Variants in SYBU observed in about 807,000 individuals in gnomAD.
The protein encoded by SYBU is syntabulin.
A neutral mutation model predicts 35.9 loss-of-function variants in SYBU; 21 were observed. The ratio of observed to expected loss-of-function variants is 0.58; its 90% CI spans 0.41 to 0.84. SYBU has a LOEUF of 0.84. Among genes scored for constraint, SYBU ranks in the 40% least tolerant of loss-of-function variants. The pLI is 0.00. For synonymous variants in SYBU, 319 were observed against 324.3 expected (o/e 0.98, Z 0.18); for missense variants, 768 against 848.2 (o/e 0.91, Z 1.17).
intron 1 of SYBU, among the ~76,000 whole-genome samples, chr8:109,671,695 A>G (rs1305581183): frequency 6.6e-6 from 1 of 152,200 alleles, no homozygotes; most frequent in African/African-American, 2.4e-5. Flanking sequence ...TAGGGTTCAT[A>G]TCATTTATTT....
At chr8:109,576,463 C>G (rs1204820279) in intron 6 of SYBU, among the ~76,000 whole-genome samples, 2 of 152,316 alleles carry the variant, frequency 1.3e-5, no homozygotes, top group South Asian at 2.1e-4. Context: ...GTTTTTATCT[C>G]CATATCCTAC....
chr8:109,679,387 C>T (rs1817320110), intron 1 of SYBU, among the ~76,000 whole-genome samples: 1 of 152,150 alleles, frequency 6.6e-6, no homozygotes, highest in Non-Finnish European at 1.5e-5. Context: ...CTTTACTTGT[C>T]TAATAAACTT....
intron 1 of SYBU, among the ~76,000 whole-genome samples, chr8:109,674,295 G>T (rs1218395072): frequency 6.6e-6 from 1 of 151,818 alleles, no homozygotes; most frequent in African/African-American, 2.4e-5. Flanking sequence ...GAAAGGTCAG[G>T]TTACTCACAA....
In SYBU at chr8:109,584,764, G is replaced by A. The variant is rs1823426123; in HGVS notation, c.530+1296C>T. On this transcript the variant is annotated intron_variant, in intron 4 of 6. Transcript: ENST00000276646. The surrounding 1 kb of genome is among the most constrained non-coding windows in gnomAD (Gnocchi z 4.0). The stretch of plus-strand genomic sequence containing the variant: ...TGCTAAATCTTCAGCTCACCCAAGA[G>A]AAATAGAAAATATTTGCTTGCTGAG... Among the ~76,000 whole-genome samples, 1 of 152,142 alleles carries A rather than the reference G, an allele frequency of 6.6e-6. No homozygotes were observed.
exon 1 of SYBU, chr8:109,680,728 C>G (rs959031402): frequency 7.9e-5 from 12 of 152,140 alleles, no homozygotes; most frequent in African/African-American, 2.9e-4. Context: ...GAAGAAGAAG[C>G]AATCAAAAAT....
chr8:109,675,019 C>A (rs1331446912), intron 1 of SYBU, among the ~76,000 whole-genome samples: 2 of 152,188 alleles, frequency 1.3e-5, no homozygotes, highest in Admixed American at 1.3e-4. Context: ...GGAAACTGAA[C>A]AACCTGCTCC....
chr8:109,574,893 C>A lies in SYBU; in HGVS notation c.*13G>T. ...CATGGGACACATTGGCACACGGTAA[C>A]AACAACTTCTATTTAGGTTTTGATA... On this transcript the variant is annotated 3_prime_UTR_variant, in exon 7 of 7. Coordinates refer to ENST00000276646, the MANE Select transcript of SYBU (RefSeq NM_001099754.2). 2 of 1,511,572 alleles carry A rather than the reference C, an allele frequency of 1.3e-6. No homozygotes were observed. Among genetic ancestry groups the A allele is most frequent in the Non-Finnish European group, 1.8e-6 (2 of 1,129,804 alleles). 93.6% of individuals were successfully genotyped at this position (1,511,572 alleles called of 1,614,324 possible).
At chr8:109,593,190 C>T (rs1462746490) in intron 3 of SYBU, among the ~76,000 whole-genome samples, 1 of 152,076 alleles carries the variant, frequency 6.6e-6, no homozygotes, top group Non-Finnish European at 1.5e-5. Flanking sequence ...GTCCATGAAC[C>T]ATATTATGAG....
chr8:109,610,791 T>C (rs74710170), intron 3 of SYBU, among the ~76,000 whole-genome samples: 141 of 152,336 alleles, frequency 9.3e-4, no homozygotes, highest in African/African-American at 3.2e-3. Context: ...GGTGGCTGCA[T>C]TCCTCTGCTA....
At chr8:109,589,077 T>C (rs1823938698) in intron 3 of SYBU, among the ~76,000 whole-genome samples, 1 of 152,118 alleles carries the variant, frequency 6.6e-6, no homozygotes, top group Admixed American at 6.5e-5. Context: ...GGAGAATTGC[T>C]TGAACCAGGG....
chr8:109,657,201 G>A (rs963003729), intron 1 of SYBU, among the ~76,000 whole-genome samples: 3 of 151,926 alleles, frequency 2.0e-5, no homozygotes, highest in Non-Finnish European at 2.9e-5. Flanking sequence ...TTTTCTTAAC[G>A]GTAGAAAATG....
chr8:109,669,531 G>C (rs894762651), intron 1 of SYBU, among the ~76,000 whole-genome samples: 1 of 152,080 alleles, frequency 6.6e-6, no homozygotes. Context: ...TTAGTCCTAT[G>C]TCAGGTTTGG....
At chr8:109,686,122 A>C (rs566791214) in intron 1 of SYBU, among the ~76,000 whole-genome samples, 126 of 152,178 alleles carry the variant, frequency 8.3e-4, no homozygotes, top group African/African-American at 2.9e-3. Context: ...TATTCTTGTA[A>C]GTCATTAACT....
chr8:109,657,510 T>C (rs1477873144), intron 1 of SYBU, among the ~76,000 whole-genome samples: 2 of 152,246 alleles, frequency 1.3e-5, no homozygotes, highest in African/African-American at 2.4e-5. Context: ...GGGCCTTCCA[T>C]AGAAATGCAC....
Position 109,691,416 on chromosome 8 carries a change from G to C in SYBU, c.-141C>G. On this transcript the variant is annotated 5_prime_UTR_variant, in exon 1 of 8. Coordinates refer to the SYBU transcript ENST00000422135. This position sits in a 1 kb window ranked among gnomAD's most constrained non-coding sequence, Gnocchi z 4.7. ...CGGGAGACCGGGCCCCGGCTGGGCC[G>C]GGTGCCGGTGCGGACGGGACCCCGC... 2.9e-6 allele frequency: 2 copies of C among 685,684 alleles called. No individual in the cohort carries two copies. The highest frequency in any genetic ancestry group is 5.3e-6 in the Non-Finnish European group (2 of 378,108). The allele number at this position is 685,684 out of a possible 1,614,324, so 42.5% of individuals were successfully genotyped here.
Position 109,578,017 on chromosome 8 carries a change from C to T in SYBU, c.735G>A (p.Arg245=), listed in dbSNP as rs771841521. Reference sequence around the variant, plus strand: ...CGCAAGACATGTACCTTCCAGAACGCCTGAAACAATCCAAGTAATGAAATG... The same window carrying T: ...CGCAAGACATGTACCTTCCAGAACGTCTGAAACAATCCAAGTAATGAAATG... ...YKGSDCSPIM[R]RSGRYMSCGE... The change falls in exon 6 of 7, where the codon AGG becomes AGA. Residue 245 remains arginine, a splice_region_variant and synonymous_variant. Coordinates refer to ENST00000276646, the MANE Select transcript of SYBU (RefSeq NM_001099754.2). 22 of 1,603,490 alleles carry T rather than the reference C, an allele frequency of 1.4e-5. No individual in the cohort carries two copies. Among genetic ancestry groups the T allele is most frequent in the Non-Finnish European group, 1.9e-5 (22 of 1,175,968 alleles).
intron 1 of SYBU, among the ~76,000 whole-genome samples, chr8:109,690,708 C>A (rs1027296092): frequency 6.6e-6 from 1 of 152,224 alleles, no homozygotes; most frequent in African/African-American, 2.4e-5. Flanking sequence ...CAATTTACCT[C>A]TATTTTAAAT....
At chr8:109,669,339 C>CAAAAAAAAAAA (rs533510895) in intron 1 of SYBU, among the ~76,000 whole-genome samples, 1 of 49,684 alleles carries the variant, frequency 2.0e-5, no homozygotes, top group African/African-American at 6.1e-5. Flanking sequence ...GAGACTCCGT[C>CAAAAAAAAAAA]AAAAAAAAAA....
intron 3 of SYBU, among the ~76,000 whole-genome samples, chr8:109,613,345 C>T (rs1811398931): frequency 2.0e-5 from 3 of 152,166 alleles, no homozygotes; most frequent in Non-Finnish European, 4.4e-5. Context: ...CTGCCAGGTC[C>T]AACACAGAGC....
Sources: allele counts gnomAD v4.1 joint callset (sites outside exome capture counted in the v4.1 genomes callset), GRCh38; gene constraint gnomAD v4.1.1; non-coding constraint Gnocchi (gnomAD v3.1); transcripts MANE v1.5; gene names NCBI Gene and HGNC (gene_info 2026-07-23, HGNC 2026-07-21).